Variants in HTT-AS observed in about 807,000 individuals in gnomAD.
HTT-AS encodes HTT antisense RNA (head to head).
intron 2 of HTT-AS, among the ~76,000 whole-genome samples, chr4:3,050,544 A>G (rs1711682210): frequency 6.6e-6 from 1 of 152,156 alleles, no homozygotes; most frequent in African/African-American, 2.4e-5. Flanking sequence ...AAGACACCAT[A>G]CTTTTGAAGT....
At chr4:3,068,129 C>T (rs928418923) in intron 1 of HTT-AS, among the ~76,000 whole-genome samples, 1 of 151,408 alleles carries the variant, frequency 6.6e-6, no homozygotes, top group Non-Finnish European at 1.5e-5. Context: ...CATGGTGAAA[C>T]CCCGTCTCTA....
At chr4:3,069,553 C>T (rs1232358294) in intron 1 of HTT-AS, among the ~76,000 whole-genome samples, 2 of 152,046 alleles carry the variant, frequency 1.3e-5, no homozygotes, top group Admixed American at 6.6e-5. Context: ...GAAAGACTGA[C>T]CTCACGTATA....
intron 1 of HTT-AS, among the ~76,000 whole-genome samples, chr4:3,072,496 T>C (rs1347910470): frequency 6.6e-6 from 1 of 152,188 alleles, no homozygotes; most frequent in Non-Finnish European, 1.5e-5. Flanking sequence ...GGAGGGGTCA[T>C]ACAAGGGTGT....
intron 2 of HTT-AS, among the ~76,000 whole-genome samples, chr4:3,058,351 T>C (rs921528180): frequency 6.6e-6 from 1 of 151,792 alleles, no homozygotes; most frequent in Non-Finnish European, 1.5e-5. Flanking sequence ...AAATAGAACA[T>C]ATAGGGTAAC....
At chr4:3,068,238 G>A (rs960131362) in intron 1 of HTT-AS, among the ~76,000 whole-genome samples, 14 of 149,544 alleles carry the variant, frequency 9.4e-5, no homozygotes, top group African/African-American at 1.5e-4. Flanking sequence ...CCCGGGAGGC[G>A]GAGCTTGCAG....
downstream of HTT-AS, among the ~76,000 whole-genome samples, chr4:3,049,046 G>A (rs2471348): frequency 0.056 from 8,472 of 152,228 alleles, 355 homozygotes; most frequent in African/African-American, 0.12. Flanking sequence ...ACAAATGAAA[G>A]TATACCCCAT....
Position 3,060,916 on chromosome 4 carries a change from G to C in HTT-AS, n.1380+1518C>G, listed in dbSNP as rs142539852. Among the ~76,000 whole-genome samples the C allele has an allele frequency of 2.2e-3, 328 of 152,312 alleles. 2 individuals are homozygous for C. The highest frequency in any genetic ancestry group is 7.4e-3 in the African/African-American group (307 of 41,552). Reference sequence around the variant, plus strand: ...CAATCTTTGGGCCCTGTGTAAATTAGACACCACCTCCTCAAGCCTGTCTAT... The same window carrying C: ...CAATCTTTGGGCCCTGTGTAAATTACACACCACCTCCTCAAGCCTGTCTAT... On this transcript the variant is annotated intron_variant and non_coding_transcript_variant, in intron 2 of 2. Coordinates refer to ENST00000664062, the Ensembl canonical transcript of HTT-AS.
intron 2 of HTT-AS, among the ~76,000 whole-genome samples, chr4:3,055,248 T>G (rs1313769): frequency 0.57 from 85,928 of 150,762 alleles, 24,850 homozygotes; most frequent in South Asian, 0.73. Flanking sequence ...CAGTGAGCTG[T>G]GATGGCGCCA....
intron 2 of HTT-AS, among the ~76,000 whole-genome samples, chr4:3,053,195 G>A (rs1711745792): frequency 6.6e-6 from 1 of 152,192 alleles, no homozygotes; most frequent in Non-Finnish European, 1.5e-5. Context: ...TCTTCTGTCT[G>A]TCTGTGTAGT....
chr4:3,063,961 G>A (rs1285736419), intron 1 of HTT-AS, among the ~76,000 whole-genome samples: 3 of 152,066 alleles, frequency 2.0e-5, no homozygotes, highest in Admixed American at 2.0e-4. Context: ...GAACTTCCTG[G>A]GTGAGCATCT....
intron 1 of HTT-AS, among the ~76,000 whole-genome samples, chr4:3,072,900 T>G (rs1021724634): frequency 1.3e-5 from 2 of 152,184 alleles, no homozygotes; most frequent in African/African-American, 4.8e-5. Context: ...AGTGCTGGGA[T>G]TACAGGCGTG....
chr4:3,064,557 A>C (rs1008801285), intron 1 of HTT-AS, among the ~76,000 whole-genome samples: 8 of 152,252 alleles, frequency 5.3e-5, no homozygotes, highest in African/African-American at 1.9e-4. Context: ...CATAAACATA[A>C]AACTTGGATG....
chr4:3,050,442 C>G (rs1711680961), intron 2 of HTT-AS, among the ~76,000 whole-genome samples: 1 of 152,064 alleles, frequency 6.6e-6, no homozygotes, highest in African/African-American at 2.4e-5. Context: ...GAATTCTTAC[C>G]CAGTTCAAAT....
intron 2 of HTT-AS, among the ~76,000 whole-genome samples, chr4:3,053,821 T>C (rs1312808150): frequency 1.3e-5 from 2 of 150,288 alleles, no homozygotes; most frequent in African/African-American, 4.9e-5. Context: ...TCCAATGGCG[T>C]GATCTAGGCT....
chr4:3,063,401 G>A (rs907899458), exon 2 of HTT-AS: 2 of 152,324 alleles, frequency 1.3e-5, no homozygotes, highest in Admixed American at 6.5e-5. Context: ...GCACCCCCAG[G>A]GGCTCAGAAC....
At chr4:3,055,328 G>A (rs1578465396) in intron 2 of HTT-AS, among the ~76,000 whole-genome samples, 1 of 152,050 alleles carries the variant, frequency 6.6e-6, no homozygotes, top group African/African-American at 2.4e-5. Flanking sequence ...CTAGCCCTGG[G>A]TTGGGCCCTG....
At chr4:3,055,631 T>A (rs1711791980) in intron 2 of HTT-AS, among the ~76,000 whole-genome samples, 1 of 152,202 alleles carries the variant, frequency 6.6e-6, no homozygotes, top group South Asian at 2.1e-4. Flanking sequence ...TTCACCACTT[T>A]CCATGCCTAA....
intron 2 of HTT-AS, among the ~76,000 whole-genome samples, chr4:3,061,066 G>A (rs577012144): frequency 7.2e-5 from 11 of 152,226 alleles, no homozygotes; most frequent in African/African-American, 2.6e-4. Context: ...ACCCCACTCC[G>A]TGTGTATCTA....
intron 2 of HTT-AS, among the ~76,000 whole-genome samples, chr4:3,055,816 A>C (rs756119736): frequency 6.6e-6 from 1 of 152,206 alleles, no homozygotes; most frequent in East Asian, 1.9e-4. Context: ...GAATTTTCAA[A>C]AGCCAAATTT....
Sources: gnomAD v4.1 joint callset for allele counts (sites outside exome capture counted in the v4.1 genomes callset) on GRCh38, gnomAD v4.1.1 for gene constraint, MANE v1.5 for transcripts, NCBI Gene and HGNC (gene_info 2026-07-23, HGNC 2026-07-21) for gene names.